The following NALF1 variants were observed in gnomAD, a reference collection of about 807,000 sequenced individuals.
NALF1 encodes NALCN channel auxiliary factor 1, also known as family with sequence similarity 155 member A.
NALF1 carries 3 observed loss-of-function variants against 48.4 expected under a neutral mutation model. The observed-to-expected ratio is 0.06, with a 90% confidence interval of 0.03 to 0.16. The LOEUF is 0.16. Among genes scored for constraint, NALF1 ranks in the 10% least tolerant of loss-of-function variants. The pLI, the probability that NALF1 is intolerant of heterozygous loss-of-function variation, is 1.00. For missense variants in NALF1, 526 were observed against 571.5 expected (o/e 0.92, Z 0.81); for synonymous variants, 262 against 245.7 (o/e 1.07, Z -0.62).
intron 1 of NALF1, among the ~76,000 whole-genome samples, chr13:107,653,327 G>T (rs1880493443): frequency 1.3e-5 from 2 of 151,830 alleles, no homozygotes; most frequent in Admixed American, 6.6e-5. Context: ...TACCCTACAG[G>T]GACCAAATTC....
At chr13:107,779,196 G>A (rs148401315) in intron 1 of NALF1, among the ~76,000 whole-genome samples, 1 of 152,226 alleles carries the variant, frequency 6.6e-6, no homozygotes, top group East Asian at 1.9e-4. Flanking sequence ...CTAAATAAGG[G>A]ATGGATGTGT....
chr13:107,856,122 ATC>A (rs1880435893), intron 1 of NALF1, among the ~76,000 whole-genome samples: 1 of 152,132 alleles, frequency 6.6e-6, no homozygotes, highest in Admixed American at 6.5e-5. Context: ...GCCCAAGCTG[ATC>A]TCAAACTCCT....
chr13:107,674,258 G>A (rs572359072), intron 1 of NALF1, among the ~76,000 whole-genome samples: 5 of 152,114 alleles, frequency 3.3e-5, no homozygotes, highest in African/African-American at 1.2e-4. Flanking sequence ...AAAATAGGGT[G>A]CACACATAAC....
chr13:107,331,754 A>T (rs1882473602), intron 1 of NALF1, among the ~76,000 whole-genome samples: 1 of 152,168 alleles, frequency 6.6e-6, no homozygotes, highest in South Asian at 2.1e-4. Flanking sequence ...TTTCTTTCAA[A>T]TAAATTAGAG....
chr13:107,288,394 ATTT>A (rs200686553), intron 1 of NALF1, among the ~76,000 whole-genome samples: 7,551 of 150,548 alleles, frequency 0.05, 231 homozygotes, highest in Admixed American at 0.1. Context: ...TAATTTTTGT[ATTT>A]TTAGTAGAGA....
chr13:107,432,949 C>G (rs963037902), intron 1 of NALF1, among the ~76,000 whole-genome samples: 3 of 152,154 alleles, frequency 2.0e-5, no homozygotes, highest in African/African-American at 7.2e-5. Flanking sequence ...AATCTACTCC[C>G]TCCACAGCAG....
chr13:107,276,819 A>C (rs1881290927), intron 1 of NALF1, among the ~76,000 whole-genome samples: 1 of 152,182 alleles, frequency 6.6e-6, no homozygotes, highest in African/African-American at 2.4e-5. Context: ...ATTTAAAAAC[A>C]TTCTATAGTT....
rs1207846990 is a variant in NALF1, at chr13:107,169,617, A to G, written c.*880T>C. Reference sequence around the variant, plus strand: ...GCCACTTGGGGATGGGAACTGGAGCAATACAGTTCATGATAGTTTTTTTTA... The same window carrying G: ...GCCACTTGGGGATGGGAACTGGAGCGATACAGTTCATGATAGTTTTTTTTA... On this transcript the variant is annotated 3_prime_UTR_variant, in exon 3 of 3. Transcript: ENST00000375915. 6.6e-6 allele frequency: 1 copy of G among 152,384 alleles called. No homozygotes were observed. The highest frequency in any genetic ancestry group is 2.4e-5 in the African/African-American group (1 of 41,586). The allele number at this position is 152,384 out of a possible 1,614,324, so 9.4% of individuals were successfully genotyped here. A position where few individuals can be genotyped will look rare whatever the true frequency, so the allele number is the denominator to read the frequency against.
intron 2 of NALF1, among the ~76,000 whole-genome samples, chr13:107,188,133 A>C (rs537622204): frequency 1.3e-5 from 2 of 152,298 alleles, no homozygotes; most frequent in African/African-American, 4.8e-5. Flanking sequence ...TTTTTTTGCC[A>C]TCATGTAAAT....
intron 1 of NALF1, among the ~76,000 whole-genome samples, chr13:107,427,516 T>C (rs1487185175): frequency 2.0e-5 from 3 of 152,118 alleles, no homozygotes; most frequent in Non-Finnish European, 4.4e-5. Flanking sequence ...ATCTAGAATA[T>C]AGGTGTCTAA....
intron 1 of NALF1, among the ~76,000 whole-genome samples, chr13:107,453,188 A>G (rs1884771141): frequency 6.6e-6 from 1 of 152,150 alleles, no homozygotes; most frequent in African/African-American, 2.4e-5. Context: ...CAGTTCTACT[A>G]GGTCCCTAGT....
At chr13:107,861,397 C>T (rs1880563680) in intron 1 of NALF1, among the ~76,000 whole-genome samples, 1 of 152,094 alleles carries the variant, frequency 6.6e-6, no homozygotes, top group Admixed American at 6.5e-5. Context: ...TGAACAGTGA[C>T]ATGATATTAC....
At chr13:107,654,837 G>C (rs1036505981) in intron 1 of NALF1, among the ~76,000 whole-genome samples, 31 of 152,122 alleles carry the variant, frequency 2.0e-4, no homozygotes, top group African/African-American at 7.0e-4. Flanking sequence ...TGCAGGAATG[G>C]TTTAACACAC....
At chr13:107,769,154 T>C (rs1315570364) in intron 1 of NALF1, among the ~76,000 whole-genome samples, 3 of 148,318 alleles carry the variant, frequency 2.0e-5, no homozygotes, top group Non-Finnish European at 4.4e-5. Context: ...GATCTAGAAC[T>C]GGAAATACCA....
At chr13:107,641,168 A>T (rs2138458449) in intron 1 of NALF1, among the ~76,000 whole-genome samples, 1 of 152,300 alleles carries the variant, frequency 6.6e-6, no homozygotes, top group Non-Finnish European at 1.5e-5. Context: ...AAAGATAAAA[A>T]TCTCATGTTC....
intron 1 of NALF1, among the ~76,000 whole-genome samples, chr13:107,557,425 G>C (rs1273950761): frequency 6.6e-6 from 1 of 152,076 alleles, no homozygotes; most frequent in East Asian, 1.9e-4. Context: ...GCATACCGTG[G>C]GGAAGGCAGA....
intron 2 of NALF1, among the ~76,000 whole-genome samples, chr13:107,172,428 T>C (rs985079480): frequency 6.6e-6 from 1 of 152,214 alleles, no homozygotes; most frequent in African/African-American, 2.4e-5. Flanking sequence ...ATAAACTCAG[T>C]ATACCTATTT....
In NALF1 at chr13:107,316,446, C is replaced by A. The variant is rs913409514; in HGVS notation, c.916-105691G>T. Among the ~76,000 whole-genome samples, 28 of 152,166 alleles carry A rather than the reference C, an allele frequency of 1.8e-4. 1 individual carries two copies. The South Asian group carries it at 3.5e-3, about 19-fold the overall frequency. The stretch of plus-strand genomic sequence containing the variant: ...GATGGCTGGGTCAAATGGTATTTCT[C>A]GTTCTAGATCCCTGAGGAATCACCA... On this transcript the variant is annotated intron_variant, in intron 1 of 2. Coordinates refer to ENST00000375915, the MANE Select transcript of NALF1 (RefSeq NM_001080396.3).
chr13:107,645,521 G>C (rs2138462707), intron 1 of NALF1, among the ~76,000 whole-genome samples: 1 of 152,074 alleles, frequency 6.6e-6, no homozygotes, highest in East Asian at 1.9e-4. Flanking sequence ...TGCTATATTA[G>C]TATTTACAAC....
Sources: allele counts gnomAD v4.1 joint callset (sites outside exome capture counted in the v4.1 genomes callset), GRCh38; gene constraint gnomAD v4.1.1; transcripts MANE v1.5; gene names NCBI Gene and HGNC (gene_info 2026-07-23, HGNC 2026-07-21).